Variants in ANKRD50 observed in about 807,000 individuals in gnomAD.
ANKRD50 encodes the protein ankyrin repeat domain 50, also known as ankyrin repeat domain-containing protein 50.
Under a neutral mutation model 112.0 loss-of-function variants are expected in ANKRD50, and 40 were observed. The observed-to-expected ratio is 0.36, with a 90% CI of 0.28 to 0.46. The LOEUF (loss-of-function observed/expected upper bound fraction) is 0.46, where lower values mean the gene tolerates loss of function less well. ANKRD50 is among the 20% of genes least tolerant of loss of function. The probability of loss-of-function intolerance (pLI) is 1.00; values close to 1 mark genes in which losing one functional copy is unlikely to be tolerated. For missense variants in ANKRD50, 1,487 were observed against 1,701.7 expected (o/e 0.87, Z 2.22); for synonymous variants, 613 against 619.1 (o/e 0.99, Z 0.15).
intron 2 of ANKRD50, among the ~76,000 whole-genome samples, chr4:124,691,445 T>C (rs1055328345): frequency 9.4e-5 from 13 of 138,030 alleles, no homozygotes; most frequent in African/African-American, 3.6e-4. Flanking sequence ...TGAGCCGAGA[T>C]TGCGCCACTG....
At chr4:124,686,972 C>T (rs1725019814) in intron 2 of ANKRD50, among the ~76,000 whole-genome samples, 1 of 152,084 alleles carries the variant, frequency 6.6e-6, no homozygotes, top group Admixed American at 6.6e-5. Context: ...CAGGTAAAGA[C>T]CATTTACAAT....
intron 2 of ANKRD50, among the ~76,000 whole-genome samples, chr4:124,682,317 C>T (rs553361037): frequency 0.011 from 1,208 of 110,068 alleles, 12 homozygotes; most frequent in Non-Finnish European, 0.016. Context: ...AGCAAGACTC[C>T]GTCTCAAAAA....
Position 124,670,463 on chromosome 4 carries a change from A to G in ANKRD50, c.2814T>C (p.Asp938=). Residue 938 remains aspartate, a synonymous_variant, in exon 4 of 5, where the codon GAT becomes GAC. Transcript: ENST00000504087. ...IVELLFSHGA[D]VNCKDADGRP... ...GACCATCAGCATCTTTGCAGTTAACATCAGCACCATGGCTAAAAAGCAATT... is the reference window on the plus strand; with the variant it reads ...GACCATCAGCATCTTTGCAGTTAACGTCAGCACCATGGCTAAAAAGCAATT... 6.2e-7 allele frequency: 1 copy of G among 1,613,866 alleles called. No homozygotes were observed. The highest frequency in any genetic ancestry group is 8.5e-7 in the Non-Finnish European group (1 of 1,179,892).
At chr4:124,705,244 A>T (rs1725479362) in intron 2 of ANKRD50, among the ~76,000 whole-genome samples, 1 of 152,178 alleles carries the variant, frequency 6.6e-6, no homozygotes, top group African/African-American at 2.4e-5. Context: ...ACACAAAACA[A>T]ATGTCAGTAT....
chr4:124,672,568 T>C, intron 3 of ANKRD50, 34 bp from the exon 4 acceptor site: 1 of 1,435,602 alleles, frequency 7.0e-7, no homozygotes, highest in Non-Finnish European at 9.4e-7. Context: ...ATGTAATCAG[T>C]TGAAAAGGAT....
Position 124,695,499 on chromosome 4 carries a change from C to T in ANKRD50, c.512+14501G>A, listed in dbSNP as rs991613233. Among the ~76,000 whole-genome samples the T allele has an allele frequency of 5.3e-5, 8 of 152,232 alleles. No homozygotes were observed. The South Asian group carries it at 1.0e-3, about 20-fold the overall frequency. On this transcript the variant is annotated intron_variant, in intron 2 of 4. Coordinates refer to ENST00000504087, the MANE Select transcript of ANKRD50 (RefSeq NM_020337.3). ...CACGAGGCTGAATTTCCTCAACGCACGTTTACTTAAATTCCGGGCCATGCT... is the reference window on the plus strand; with the variant it reads ...CACGAGGCTGAATTTCCTCAACGCATGTTTACTTAAATTCCGGGCCATGCT...
rs574394736 is a variant in ANKRD50, at chr4:124,710,773, A to G, written c.-262T>C. 1 of 502,400 alleles carries G rather than the reference A, an allele frequency of 2.0e-6. No individual in the cohort carries two copies. Among genetic ancestry groups the G allele is most frequent in the South Asian group, 4.1e-5 (1 of 24,618 alleles). 31.1% of individuals were successfully genotyped at this position (502,400 alleles called of 1,614,324 possible). On this transcript the variant is annotated 5_prime_UTR_variant, in exon 2 of 5. Transcript: ENST00000504087. ...CACAGCTCAGCAACACTTTTCCTAA[A>G]TTTTAATGAGTCACATAACTCCATG...
intron 3 of ANKRD50, among the ~76,000 whole-genome samples, chr4:124,673,889 A>G (rs1411810521): frequency 6.6e-6 from 1 of 152,036 alleles, no homozygotes; most frequent in African/African-American, 2.4e-5. Context: ...AATAGAATCT[A>G]ATTTTACATA....
At position 124,673,294 on chromosome 4, in the gene ANKRD50, T is replaced by C. The variant is rs191909917; in HGVS notation, c.743-760A>G. Among the ~76,000 whole-genome samples, 292 of 152,212 alleles carry C rather than the reference T, an allele frequency of 1.9e-3. 2 individuals are homozygous for C. In the South Asian group the frequency reaches 0.019, roughly 10 times the overall value. ...GGCAGATGACATCATGATATACAGA[T>C]ATGAACTTATTAGACAATTGTGTAT... On this transcript the variant is annotated intron_variant, in intron 3 of 4. Coordinates refer to ENST00000504087, the MANE Select transcript of ANKRD50 (RefSeq NM_020337.3).
At chr4:124,680,649 T>A (rs1724864931) in intron 2 of ANKRD50, among the ~76,000 whole-genome samples, 1 of 152,156 alleles carries the variant, frequency 6.6e-6, no homozygotes, top group Non-Finnish European at 1.5e-5. Flanking sequence ...TATAGTACAA[T>A]ATATAGAGAA....
At chr4:124,709,517 A>G (rs1000477835) in intron 2 of ANKRD50, among the ~76,000 whole-genome samples, 2 of 152,132 alleles carry the variant, frequency 1.3e-5, no homozygotes, top group Non-Finnish European at 2.9e-5. Context: ...CCCAAAACTC[A>G]TCAGCAAATT....
At chr4:124,679,641 A>C (rs1381364243) in intron 2 of ANKRD50, among the ~76,000 whole-genome samples, 1 of 152,212 alleles carries the variant, frequency 6.6e-6, no homozygotes, top group Admixed American at 6.5e-5. Flanking sequence ...GAGCAGATAC[A>C]ACAGTGAAGA....
At chr4:124,697,645 T>C (rs1023390073) in intron 2 of ANKRD50, among the ~76,000 whole-genome samples, 5 of 152,156 alleles carry the variant, frequency 3.3e-5, no homozygotes, top group African/African-American at 1.2e-4. Context: ...CACCATGCTC[T>C]TGGATTTCCC....
chr4:124,700,457 T>C lies in ANKRD50; in HGVS notation c.512+9543A>G, dbSNP rs566994157. 2.0e-5 allele frequency among the ~76,000 whole-genome samples: 3 copies of C among 152,272 alleles called. No homozygotes were observed. The South Asian group carries it at 6.2e-4, about 32-fold the overall frequency. ...AGTTAGGACTCTAGTGCAGTAATAGTCCAGCAATAGAAAATGGGAGTAGTA... is the reference window on the plus strand; with the variant it reads ...AGTTAGGACTCTAGTGCAGTAATAGCCCAGCAATAGAAAATGGGAGTAGTA... On this transcript the variant is annotated intron_variant, in intron 2 of 4. Coordinates refer to ENST00000504087, the MANE Select transcript of ANKRD50 (RefSeq NM_020337.3).
Position 124,670,270 on chromosome 4 carries a change from C to CA in ANKRD50, c.3006dup (p.Ala1003CysfsTer2). On this transcript the variant is annotated frameshift_variant, in exon 4 of 5. Transcript: ENST00000504087. LOFTEE classifies it high-confidence loss of function. Reference sequence around the variant, plus strand: ...TCATTGTCTGCAGCATTGACGTCAGCATGGTATGCTATCAGGACCTGCACC... The same window carrying CA: ...TCATTGTCTGCAGCATTGACGTCAGCAATGGTATGCTATCAGGACCTGCACC... 6.2e-7 allele frequency: 1 copy of CA among 1,613,928 alleles called. No homozygotes were observed. The highest frequency in any genetic ancestry group is 1.3e-5 in the African/African-American group (1 of 75,022).
chr4:124,704,408 T>C (rs182949534), intron 2 of ANKRD50, among the ~76,000 whole-genome samples: 11 of 152,324 alleles, frequency 7.2e-5, no homozygotes, highest in African/African-American at 2.2e-4. Flanking sequence ...CCAAAAATCC[T>C]TGGAGCCAGT....
At position 124,667,363 on chromosome 4, in the gene ANKRD50, T is replaced by G. The variant is rs1730519628; in HGVS notation, c.*155A>C. Reference sequence around the variant, plus strand: ...TTACATTGAGAAGGCAGCCTTACTATTTAGGCACATTACAGTAATTAAGGT... The same window carrying G: ...TTACATTGAGAAGGCAGCCTTACTAGTTAGGCACATTACAGTAATTAAGGT... On this transcript the variant is annotated 3_prime_UTR_variant, in exon 5 of 5. Transcript: ENST00000504087. 1 of 152,038 alleles carries G rather than the reference T, an allele frequency of 6.6e-6. No individual in the cohort carries two copies. The highest frequency in any genetic ancestry group is 2.4e-5 in the African/African-American group (1 of 41,434). 9.4% of individuals were successfully genotyped at this position (152,038 alleles called of 1,614,324 possible). A position where few individuals can be genotyped will look rare whatever the true frequency, so the allele number is the denominator to read the frequency against.
Position 124,672,126 on chromosome 4 carries a change from T to A in ANKRD50, c.1151A>T (p.Asp384Val), listed in dbSNP as rs995997323. The change falls in exon 4 of 5, where the codon GAT becomes GTT. Residue 384 changes from aspartate (D) to valine (V), a missense_variant. Transcript: ENST00000504087. ...WTKNMSLTLE[D>V]FQRKLDILSK... is the part of the protein sequence containing the mutation. ...GAGGATATCTAACTTGCGTTGAAAATCTTCCAAAGTTAACGACATGTTTTT... is the reference window on the plus strand; with the variant it reads ...GAGGATATCTAACTTGCGTTGAAAAACTTCCAAAGTTAACGACATGTTTTT... The A allele has an allele frequency of 6.2e-7, 1 of 1,613,872 alleles. No homozygotes were observed. The highest frequency in any genetic ancestry group is 1.3e-5 in the African/African-American group (1 of 75,012).
intron 2 of ANKRD50, among the ~76,000 whole-genome samples, chr4:124,698,778 G>C (rs955445011): frequency 6.6e-6 from 1 of 152,052 alleles, no homozygotes; most frequent in African/African-American, 2.4e-5. Flanking sequence ...GGATTGTATT[G>C]AATCTATAGG....
Sources: gnomAD v4.1 joint callset for allele counts (sites outside exome capture counted in the v4.1 genomes callset) on GRCh38, gnomAD v4.1.1 for gene constraint, MANE v1.5 for transcripts, NCBI Gene and HGNC (gene_info 2026-07-23, HGNC 2026-07-21) for gene names.